The following CDNF variants were observed in gnomAD, a reference collection of about 807,000 sequenced individuals.
The protein encoded by CDNF is cerebral dopamine neurotrophic factor, also known as ARMET-like protein 1.
In CDNF, 9 loss-of-function variants were observed where a neutral mutation model predicts 14.8. That is an observed-to-expected ratio of 0.61 (90% CI 0.37 to 1.06). CDNF has a LOEUF of 1.06. CDNF is among the 50% of genes least tolerant of loss of function. CDNF has a pLI of 0.01. For synonymous variants in CDNF, 86 were observed against 87.2 expected, an observed-to-expected ratio of 0.99 and a Z score of 0.07; for missense variants, 228 against 228.4, an observed-to-expected ratio of 1.00 and a Z score of 0.01.
At chr10:14,822,548 C>T (rs1404178281) in intron 3 of CDNF, among the ~76,000 whole-genome samples, 3 of 151,506 alleles carry the variant, frequency 2.0e-5, no homozygotes, top group Non-Finnish European at 4.4e-5. Context: ...TGCACTCCAG[C>T]ATGGGCAACA....
chr10:14,824,216 C>A (rs964774948), intron 3 of CDNF, among the ~76,000 whole-genome samples: 2 of 152,132 alleles, frequency 1.3e-5, no homozygotes, highest in African/African-American at 4.8e-5. Flanking sequence ...TTTTATGATA[C>A]CCACTCAATC....
chr10:14,825,623 G>A lies in CDNF; in HGVS notation c.244-3C>T, dbSNP rs1564313085. On this transcript the variant is annotated splice_region_variant and splice_polypyrimidine_tract_variant and intron_variant, in intron 2 of 3. Coordinates refer to ENST00000465530, the MANE Select transcript of CDNF (RefSeq NM_001029954.3). ...TTTGTGGCTCCTAGATAATAGCACT[G>A]AAGGAAAATGAAGAGAATTGAGTGT... 6.2e-7 allele frequency: 1 copy of A among 1,613,132 alleles called. No individual in the cohort carries two copies. The highest frequency in any genetic ancestry group is 8.5e-7 in the Non-Finnish European group (1 of 1,179,512).
chr10:14,824,959 A>AT (rs34069430), intron 3 of CDNF, among the ~76,000 whole-genome samples: 2,200 of 145,456 alleles, frequency 0.015, 59 homozygotes, highest in African/African-American at 0.05. Context: ...TTCAGTGGCA[A>AT]TTTTTTTTTT....
intron 2 of CDNF, among the ~76,000 whole-genome samples, chr10:14,826,930 C>T (rs764398317): frequency 1.3e-5 from 2 of 151,518 alleles, no homozygotes; most frequent in African/African-American, 4.9e-5. Flanking sequence ...AAAATATAAA[C>T]GTTGGCTGGG....
chr10:14,837,996 C>T lies in CDNF; in HGVS notation c.-50G>A, dbSNP rs565365397. 32 of 1,387,442 alleles carry T rather than the reference C, an allele frequency of 2.3e-5. 1 individual carries two copies. The African/African-American group carries it at 3.4e-4, about 15-fold the overall frequency. 85.9% of individuals were successfully genotyped at this position (1,387,442 alleles called of 1,614,324 possible). ...TCCGCCACCCGCGCCCACCGCCCAC[C>T]AAGCTGCCAAAGCGAGCTGAGCAGA... On this transcript the variant is annotated 5_prime_UTR_variant, in exon 1 of 4. Coordinates refer to ENST00000465530, the MANE Select transcript of CDNF (RefSeq NM_001029954.3).
chr10:14,836,740 T>C (rs1184643388), intron 1 of CDNF, among the ~76,000 whole-genome samples: 1 of 152,176 alleles, frequency 6.6e-6, no homozygotes, highest in African/African-American at 2.4e-5. Flanking sequence ...AAGACCAGTC[T>C]GGCCAACATG....
At chr10:14,827,052 CAAAAAAAAAAA>C in intron 2 of CDNF, among the ~76,000 whole-genome samples, 1 of 74,648 alleles carries the variant, frequency 1.3e-5, no homozygotes, top group African/African-American at 4.9e-5. Context: ...CCCGTCTCTA[CAAAAAAAAAAA>C]AAAAAAAAAA....
intron 1 of CDNF, among the ~76,000 whole-genome samples, chr10:14,832,394 G>A (rs1303698015): frequency 6.6e-6 from 1 of 152,210 alleles, no homozygotes; most frequent in Non-Finnish European, 1.5e-5. Context: ...GGGCATCCAG[G>A]GCCTTTCAAG....
Position 14,837,902 on chromosome 10 carries a change from C to T in CDNF, c.45G>A (p.Gly15=), listed in dbSNP as rs1399289071. The part of the protein sequence containing the change: ...SPVAVVAFCA[G]LLVSHPVLTQ... ...TCAGCACCGGGTGAGAGACCAAAAG[C>T]CCGGCGCAAAAGGCCACCACAGCAA... Residue 15 remains glycine, a synonymous_variant, in exon 1 of 4, where the codon GGG becomes GGA. Coordinates refer to ENST00000465530, the MANE Select transcript of CDNF (RefSeq NM_001029954.3). The T allele has an allele frequency of 1.9e-6, 3 of 1,607,420 alleles. No homozygotes were observed. The highest frequency in any genetic ancestry group is 3.4e-5 in the Admixed American group (2 of 59,636).
chr10:14,837,441 T>C (rs1018528351), intron 1 of CDNF, among the ~76,000 whole-genome samples: 15 of 152,178 alleles, frequency 9.9e-5, no homozygotes, highest in Admixed American at 2.6e-4. Flanking sequence ...TTGTTTTCCT[T>C]TGGGGAGTCA....
rs139922502 is a variant in CDNF, at chr10:14,826,119, C to G, written c.244-499G>C. Among the ~76,000 whole-genome samples the G allele has an allele frequency of 1.6e-3, 192 of 118,296 alleles. 2 individuals are homozygous for G. Among genetic ancestry groups the G allele is most frequent in the African/African-American group, 6.7e-3 (175 of 26,302 alleles). The allele number at this position is 118,296 out of a possible 152,430, so 77.6% of individuals were successfully genotyped here. A position where few individuals can be genotyped will look rare whatever the true frequency, so the allele number is the denominator to read the frequency against. On this transcript the variant is annotated intron_variant, in intron 2 of 3. Coordinates refer to ENST00000465530, the MANE Select transcript of CDNF (RefSeq NM_001029954.3). ...GAAGCAGCAGCAGCAGCAGCAGCAG[C>G]AGCAGAAGCAGGAGAAGGAGAAGGA...
rs1422790641 is a variant in CDNF at position 14,828,126 on chromosome 10, A to G, written c.243+19T>C. 9 of 1,611,804 alleles carry G rather than the reference A, an allele frequency of 5.6e-6. No individual in the cohort carries two copies. The South Asian group carries it at 9.9e-5, about 18-fold the overall frequency. On this transcript the variant is annotated intron_variant, in intron 2 of 3. Transcript: ENST00000465530. ...TTCTTCAAGCACATGGGGAAAATGA[A>G]AGGTGAAATTTACTATACCAGGCGG...
chr10:14,837,983 G>T lies in CDNF; in HGVS notation c.-37C>A. On this transcript the variant is annotated 5_prime_UTR_variant, in exon 1 of 4. Coordinates refer to ENST00000465530, the MANE Select transcript of CDNF (RefSeq NM_001029954.3). ...AGCTTCAATCGCCTCCGCCACCCGC[G>T]CCCACCGCCCACCAAGCTGCCAAAG... is the stretch of plus-strand genomic sequence containing the variant. 1 of 1,448,726 alleles carries T rather than the reference G, an allele frequency of 6.9e-7. No homozygotes were observed. Among genetic ancestry groups the T allele is most frequent in the Non-Finnish European group, 9.5e-7 (1 of 1,057,718 alleles). 89.7% of individuals were successfully genotyped at this position (1,448,726 alleles called of 1,614,324 possible). A position where few individuals can be genotyped will look rare whatever the true frequency, so the allele number is the denominator to read the frequency against.
intron 2 of CDNF, among the ~76,000 whole-genome samples, chr10:14,827,067 A>G (rs955236943): frequency 1.3e-5 from 2 of 150,154 alleles, no homozygotes; most frequent in South Asian, 4.2e-4. Flanking sequence ...AAAAAAAAAA[A>G]AAAAAAAAAA....
intron 3 of CDNF, among the ~76,000 whole-genome samples, chr10:14,823,303 A>G (rs1833753108): frequency 6.6e-6 from 1 of 152,304 alleles, no homozygotes; most frequent in Non-Finnish European, 1.5e-5. Context: ...CTCCAAAGTA[A>G]AGGTCCACAC....
chr10:14,835,352 A>G (rs1316951631), intron 1 of CDNF, among the ~76,000 whole-genome samples: 2 of 152,236 alleles, frequency 1.3e-5, no homozygotes, highest in Non-Finnish European at 2.9e-5. Context: ...AGAAGCCCAC[A>G]AAGACACACT....
intron 1 of CDNF, among the ~76,000 whole-genome samples, chr10:14,828,473 CCT>C (rs1490144024): frequency 6.6e-6 from 1 of 151,770 alleles, no homozygotes; most frequent in Non-Finnish European, 1.5e-5. Context: ...ATGGTGAAAT[CCT>C]CTCTCTACTA....
chr10:14,835,275 G>A (rs1833877167), intron 1 of CDNF, among the ~76,000 whole-genome samples: 1 of 152,200 alleles, frequency 6.6e-6, no homozygotes, highest in Admixed American at 6.5e-5. Context: ...AGAAGAGTGT[G>A]TAGACTGAGA....
intron 2 of CDNF, among the ~76,000 whole-genome samples, chr10:14,827,640 C>T (rs550339574): frequency 6.6e-6 from 1 of 152,228 alleles, no homozygotes; most frequent in South Asian, 2.1e-4. Flanking sequence ...TTCTTGTAAT[C>T]CCAGCACTTT....
Sources: gnomAD v4.1 joint callset for allele counts (sites outside exome capture counted in the v4.1 genomes callset) on GRCh38, gnomAD v4.1.1 for gene constraint, MANE v1.5 for transcripts, NCBI Gene and HGNC (gene_info 2026-07-23, HGNC 2026-07-21) for gene names.